AVL9: variants seen among roughly 807,000 people sequenced by gnomAD.
AVL9 encodes the protein late secretory pathway protein AVL9 homolog.
Under a neutral mutation model 79.2 loss-of-function variants are expected in AVL9, and 49 were observed. The observed-to-expected ratio is 0.62, with a 90% CI of 0.49 to 0.79. The LOEUF (loss-of-function observed/expected upper bound fraction) is 0.79. AVL9 is among the 30% of genes least tolerant of loss of function. The pLI is 0.00. For missense variants in AVL9, 682 were observed against 776.8 expected (o/e 0.88, Z 1.45); for synonymous variants, 299 against 280.6 (o/e 1.07, Z -0.65).
intron 1 of AVL9, 113 bp from the exon 2 acceptor site, chr7:32,543,028 A>G (rs2128134227): frequency 1.5e-6 from 2 of 1,322,818 alleles, no homozygotes; most frequent in East Asian, 2.3e-5. Context: ...GACATTATAC[A>G]GTGTGGCTTA....
chr7:32,548,548 A>G (rs149260518), intron 3 of AVL9, among the ~76,000 whole-genome samples: 74 of 152,218 alleles, frequency 4.9e-4, no homozygotes, highest in Non-Finnish European at 8.8e-4. Flanking sequence ...TTTGCATTGA[A>G]TGGCTGATTT....
intron 1 of AVL9, among the ~76,000 whole-genome samples, chr7:32,530,761 A>C (rs928276551): frequency 3.9e-5 from 6 of 152,216 alleles, no homozygotes; most frequent in African/African-American, 1.4e-4. Context: ...CAGCCTGACT[A>C]ACATGGTAAA....
At chr7:32,552,960 C>T (rs1390336143) in intron 6 of AVL9, among the ~76,000 whole-genome samples, 1 of 152,068 alleles carries the variant, frequency 6.6e-6, no homozygotes, top group African/African-American at 2.4e-5. Flanking sequence ...CTTGACAACC[C>T]AGAATATCCA....
At chr7:32,567,149 T>A (rs1790619354) in intron 10 of AVL9, among the ~76,000 whole-genome samples, 1 of 152,228 alleles carries the variant, frequency 6.6e-6, no homozygotes, top group African/African-American at 2.4e-5. Flanking sequence ...TCACCCAGGC[T>A]GGAGAGCAGT....
At chr7:32,526,912 C>G (rs772829275) in intron 1 of AVL9, among the ~76,000 whole-genome samples, 66 of 152,092 alleles carry the variant, frequency 4.3e-4, no homozygotes, top group Non-Finnish European at 8.5e-4. Flanking sequence ...GGCTCCTCCC[C>G]ACTGCGGCAC....
At chr7:32,542,184 C>CT (rs113254142) in intron 1 of AVL9, among the ~76,000 whole-genome samples, 2,624 of 138,082 alleles carry the variant, frequency 0.019, 66 homozygotes, top group African/African-American at 0.061. Flanking sequence ...TTTTACAGTC[C>CT]TTTTTTTTTT....
At position 32,566,180 on chromosome 7, in the gene AVL9, A is replaced by ATCTTTTTTTTTTTTTTTTTTTTTTTT. The variant is rs70992731; in HGVS notation, c.1216-3839_1216-3838insCTTTTTTTTTTTTTTTTTTTTTTTTT. Among the ~76,000 whole-genome samples, 15 of 93,878 alleles carry ATCTTTTTTTTTTTTTTTTTTTTTTTT rather than the reference A, an allele frequency of 1.6e-4. 6 individuals are homozygous for ATCTTTTTTTTTTTTTTTTTTTTTTTT. Among genetic ancestry groups the ATCTTTTTTTTTTTTTTTTTTTTTTTT allele is most frequent in the Admixed American group, 8.4e-4 (6 of 7,112 alleles). 61.6% of individuals were successfully genotyped at this position (93,878 alleles called of 152,430 possible). ...TAAAAAAATTTTAATTATTATTATT[A>ATCTTTTTTTTTTTTTTTTTTTTTTTT]TTTTTTTTTTTTGGAGACAAGGTCT... is the stretch of plus-strand genomic sequence containing the variant. On this transcript the variant is annotated intron_variant, in intron 10 of 15. Coordinates refer to ENST00000318709, the MANE Select transcript of AVL9 (RefSeq NM_015060.3).
intron 1 of AVL9, among the ~76,000 whole-genome samples, chr7:32,519,249 A>C (rs1465899170): frequency 1.3e-5 from 2 of 152,106 alleles, no homozygotes; most frequent in African/African-American, 4.8e-5. Flanking sequence ...CAAGATGGTG[A>C]AACCCCATCT....
chr7:32,564,495 G>A (rs1310417906), intron 10 of AVL9, among the ~76,000 whole-genome samples: 2 of 152,178 alleles, frequency 1.3e-5, no homozygotes, highest in Non-Finnish European at 1.5e-5. Context: ...AGAAGCCTGG[G>A]TGCCTGGGGA....
rs2128160217 is a variant in AVL9 at position 32,586,429 on chromosome 7, C to T, written c.*2522C>T. ...GGGGCCCCAAGGCAGCTCGCACAAT[C>T]AAAGGCAGGAAGCCTCACCCCTGGT... On this transcript the variant is annotated 3_prime_UTR_variant, in exon 16 of 16. Transcript: ENST00000318709. 6.7e-6 allele frequency: 1 copy of T among 148,954 alleles called. No individual in the cohort carries two copies. Among genetic ancestry groups the T allele is most frequent in the South Asian group, 2.2e-4 (1 of 4,650 alleles). The allele number at this position is 148,954 out of a possible 1,614,324, so 9.2% of individuals were successfully genotyped here.
chr7:32,544,696 A>G lies in AVL9; in HGVS notation c.217A>G (p.Thr73Ala). The G allele has an allele frequency of 6.2e-7, 1 of 1,610,514 alleles. No individual in the cohort carries two copies. Among genetic ancestry groups the G allele is most frequent in the Non-Finnish European group, 8.5e-7 (1 of 1,176,932 alleles). The change falls in exon 3 of 16, where the codon ACT (threonine) becomes GCT (alanine). Residue 73 changes from threonine to alanine, a missense_variant and splice_region_variant. Coordinates refer to ENST00000318709, the MANE Select transcript of AVL9 (RefSeq NM_015060.3). ...PDGAHNYQED[T>A]VFFHLPPRNG... ...ACATTTTTCTATGTATCTCTTAGAT[A>G]CTGTGTTTTTTCACTTGCCACCCAG...
At chr7:32,547,815 G>A (rs1275841572) in intron 3 of AVL9, among the ~76,000 whole-genome samples, 2 of 152,162 alleles carry the variant, frequency 1.3e-5, no homozygotes, top group East Asian at 3.8e-4. Flanking sequence ...TTTAAAGTCT[G>A]TTCATCAGTC....
chr7:32,516,039 A>G (rs1253369026), intron 1 of AVL9, among the ~76,000 whole-genome samples: 1 of 152,210 alleles, frequency 6.6e-6, no homozygotes, highest in Non-Finnish European at 1.5e-5. Flanking sequence ...AGAACACAGA[A>G]CAAAGGCACC....
At chr7:32,535,038 A>G (rs1307000021) in intron 1 of AVL9, 1 of 152,202 alleles carries the variant, frequency 6.6e-6, no homozygotes, top group Non-Finnish European at 1.5e-5. Context: ...GATATTCTTT[A>G]TAAAATAAAT....
chr7:32,559,440 C>A lies in AVL9; in HGVS notation c.1191C>A (p.Gly397=). ...CGGGTTTGGAAGAGGATCAGTATGG[C>A]ATGCCCCTGGCCATCTTCACAAAGG... ...LISGLEEDQY[G]MPLAIFTKGY... is the part of the protein sequence containing the mutation. The change falls in exon 10 of 16, where the codon GGC becomes GGA. Residue 397 remains glycine, a synonymous_variant. Transcript: ENST00000318709. The A allele has an allele frequency of 6.3e-7, 1 of 1,575,648 alleles. No individual in the cohort carries two copies. The highest frequency in any genetic ancestry group is 8.6e-7 in the Non-Finnish European group (1 of 1,162,882).
intron 15 of AVL9, chr7:32,581,208 A>T (rs1791491582): frequency 4.1e-6 from 1 of 244,760 alleles, no homozygotes; most frequent in South Asian, 7.9e-5. Context: ...GAGACTCATA[A>T]TAAAAGTAGG....
intron 1 of AVL9, among the ~76,000 whole-genome samples, chr7:32,503,359 G>C (rs1378439149): frequency 3.4e-5 from 3 of 88,488 alleles, no homozygotes; most frequent in Non-Finnish European, 6.8e-5. Flanking sequence ...TAGATATAGA[G>C]AGATATATAT....
rs533341558 is a variant in AVL9, at chr7:32,586,461, A to ACCC, written c.*2564_*2566dup. The ACCC allele has an allele frequency of 5.8e-3, 266 of 45,538 alleles. 4 individuals are homozygous for ACCC. The highest frequency in any genetic ancestry group is 0.017 in the African/African-American group (206 of 11,880). 2.8% of individuals were successfully genotyped at this position (45,538 alleles called of 1,614,324 possible). ...AGGAAGCCTCACCCCTGGTCCTGTG[A>ACCC]CCCCCCCCCCCCACACACACACATA... On this transcript the variant is annotated 3_prime_UTR_variant, in exon 16 of 16. Transcript: ENST00000318709.
At chr7:32,556,519 A>AAATAAATGTATG (rs111960786) in intron 8 of AVL9, among the ~76,000 whole-genome samples, 9 of 149,578 alleles carry the variant, frequency 6.0e-5, no homozygotes, top group African/African-American at 2.2e-4. Flanking sequence ...ATCTCAAAGT[A>AAATAAATGTATG]AATGAATGAA....
Sources: allele counts gnomAD v4.1 joint callset (sites outside exome capture counted in the v4.1 genomes callset), GRCh38; gene constraint gnomAD v4.1.1; transcripts MANE v1.5; gene names NCBI Gene and HGNC (gene_info 2026-07-23, HGNC 2026-07-21).